Variants in RANGAP1 observed in about 807,000 individuals in gnomAD.
The protein encoded by RANGAP1 is Ran GTPase activating protein 1.
In RANGAP1, 38 loss-of-function variants were observed where a neutral mutation model predicts 63.5. The ratio of observed to expected loss-of-function variants is 0.60; its 90% confidence interval spans 0.46 to 0.78. The LOEUF (loss-of-function observed/expected upper bound fraction) is 0.78, where lower values mean the gene tolerates loss of function less well. Ranked by LOEUF, RANGAP1 falls within the 30% of genes least tolerant of loss-of-function variation. The probability of loss-of-function intolerance (pLI) is 0.00; values close to 1 mark genes in which losing one functional copy is unlikely to be tolerated. For missense variants in RANGAP1, 630 were observed against 740.3 expected (o/e 0.85, Z 1.73); for synonymous variants, 329 against 310.5 (o/e 1.06, Z -0.63).
intron 1 of RANGAP1, 147 bp from the exon 2 acceptor site, chr22:41,281,229 C>T (rs1662673622): frequency 2.1e-5 from 21 of 992,424 alleles, no homozygotes; most frequent in Non-Finnish European, 2.8e-5. Context: ...GAAAGGAAAA[C>T]AGCATCAGAG....
At chr22:41,280,818 C>A in intron 2 of RANGAP1, 115 bp downstream of exon 2, 1 of 1,543,756 alleles carries the variant, frequency 6.5e-7, no homozygotes. Context: ...CCTCACAGAG[C>A]TGCTGGGACA....
chr22:41,258,255 A>T, intron 6 of RANGAP1, 149 bp from the exon 7 acceptor site: 1 of 842,522 alleles, frequency 1.2e-6, no homozygotes, highest in Non-Finnish European at 1.7e-6. Context: ...GCATGGCTGC[A>T]TCTAACTCTT....
intron 2 of RANGAP1, chr22:41,280,719 G>A: frequency 6.7e-7 from 1 of 1,501,498 alleles, no homozygotes; most frequent in South Asian, 1.2e-5. Flanking sequence ...GGCACAAAGG[G>A]ATGCCCAATA....
intron 4 of RANGAP1, among the ~76,000 whole-genome samples, chr22:41,267,523 T>C (rs1355963337): frequency 6.6e-6 from 1 of 152,106 alleles, no homozygotes; most frequent in Non-Finnish European, 1.5e-5. Context: ...CAGGCATGCC[T>C]TTCTGTGTTC....
At chr22:41,277,368 G>A (rs963295714) in intron 2 of RANGAP1, 7 of 868,712 alleles carry the variant, frequency 8.1e-6, no homozygotes, top group African/African-American at 5.3e-5. Context: ...GTGAGCCACC[G>A]CGCCCGGCCG....
intron 3 of RANGAP1, among the ~76,000 whole-genome samples, chr22:41,272,393 T>C (rs1317150990): frequency 1.3e-5 from 2 of 152,180 alleles, no homozygotes; most frequent in Non-Finnish European, 2.9e-5. Flanking sequence ...GTAAACTAGT[T>C]TGCAGGCCCT....
Position 41,268,167 on chromosome 22 carries a change from AAGAAG to A in RANGAP1, c.241-16_241-12del, listed in dbSNP as rs2034594575. The A allele has an allele frequency of 2.6e-6, 4 of 1,543,228 alleles. No individual in the cohort carries two copies. Among genetic ancestry groups the A allele is most frequent in the Non-Finnish European group, 3.5e-6 (4 of 1,138,756 alleles). ...ACTCCAGTGGCAGCGCTGCAACGGAAAGAAGAGAAGAGTTAGCGGGAGAGAGACCC... is the reference window on the plus strand; with the variant it reads ...ACTCCAGTGGCAGCGCTGCAACGGAAAGAAGAGTTAGCGGGAGAGAGACCC... On this transcript the variant is annotated splice_polypyrimidine_tract_variant and intron_variant, in intron 3 of 15. Coordinates refer to ENST00000356244, the MANE Select transcript of RANGAP1 (RefSeq NM_002883.4).
At chr22:41,275,766 G>A (rs1389514904) in intron 2 of RANGAP1, among the ~76,000 whole-genome samples, 1 of 149,964 alleles carries the variant, frequency 6.7e-6, no homozygotes, top group Non-Finnish European at 1.5e-5. Context: ...GCGACACAGT[G>A]AGACTCTGTC....
At chr22:41,287,704 A>G (rs1388715420), upstream of RANGAP1, among the ~76,000 whole-genome samples, 1 of 151,374 alleles carries the variant, frequency 6.6e-6, no homozygotes, top group Non-Finnish European at 1.5e-5. Context: ...CAGATCATGC[A>G]GGCTGGGCGC....
At chr22:41,282,295 A>G (rs980905201) in intron 1 of RANGAP1, 2 of 152,142 alleles carry the variant, frequency 1.3e-5, no homozygotes, top group Non-Finnish European at 2.9e-5. Flanking sequence ...GGGAGGCTCT[A>G]TCTCTAAAAG....
chr22:41,282,173 C>T (rs2035528725), intron 1 of RANGAP1: 1 of 152,224 alleles, frequency 6.6e-6, no homozygotes, highest in Admixed American at 6.6e-5. Flanking sequence ...TGGCACGTGC[C>T]TGTAGTCAGT....
rs1390762583 is a variant in RANGAP1, at chr22:41,245,016, G to A, written c.*1587C>T. Among the ~76,000 whole-genome samples, 1 of 152,022 alleles carries A rather than the reference G, an allele frequency of 6.6e-6. No homozygotes were observed. Among genetic ancestry groups the A allele is most frequent in the Non-Finnish European group, 1.5e-5 (1 of 68,002 alleles). On this transcript the variant is annotated 3_prime_UTR_variant, in exon 16 of 16. Coordinates refer to ENST00000356244, the MANE Select transcript of RANGAP1 (RefSeq NM_002883.4). ...AATCATATTTGTCCTTTTGTGTCTG[G>A]CTTATTTCATTTAACATGTTTTCAA...
intron 12 of RANGAP1, among the ~76,000 whole-genome samples, chr22:41,252,221 G>C (rs1384173805): frequency 3.3e-5 from 5 of 152,076 alleles, no homozygotes; most frequent in Non-Finnish European, 7.4e-5. Flanking sequence ...AGAATTGCTT[G>C]AACCCAGGAG....
At chr22:41,256,584 G>A in intron 8 of RANGAP1, 127 bp downstream of exon 8, 1 of 787,876 alleles carries the variant, frequency 1.3e-6, no homozygotes, top group Non-Finnish European at 2.0e-6. Context: ...CAGCATCACA[G>A]GGCCCGAAGT....
At chr22:41,264,943 C>T (rs939212261) in intron 4 of RANGAP1, 100 bp from the exon 5 acceptor site, 15 of 1,259,946 alleles carry the variant, frequency 1.2e-5, no homozygotes, top group Non-Finnish European at 7.8e-6. Flanking sequence ...AAGGACACCC[C>T]GGCTGGTGCA....
At chr22:41,279,065 C>G (rs1237485394) in intron 2 of RANGAP1, among the ~76,000 whole-genome samples, 1 of 152,234 alleles carries the variant, frequency 6.6e-6, no homozygotes, top group Admixed American at 6.5e-5. Flanking sequence ...ATGACATGAA[C>G]CCAGGAGGCG....
upstream of RANGAP1, among the ~76,000 whole-genome samples, chr22:41,290,147 G>GAA (rs549026640): frequency 8.7e-6 from 1 of 115,458 alleles, no homozygotes; most frequent in African/African-American, 3.3e-5. Flanking sequence ...CTGTCTCAAA[G>GAA]AAAAAAAAAA....
intron 2 of RANGAP1, among the ~76,000 whole-genome samples, chr22:41,278,896 T>C (rs1555946122): frequency 6.6e-6 from 1 of 152,076 alleles, no homozygotes; most frequent in Non-Finnish European, 1.5e-5. Flanking sequence ...CCCAACACTT[T>C]GGGAGGCCGA....
At chr22:41,293,143 G>A in the RANGAP1 span, among the ~76,000 whole-genome samples, 3 of 151,698 alleles carry the variant, frequency 2.0e-5, no homozygotes, top group South Asian at 2.1e-4. Context: ...GCTGAGGCAG[G>A]AGAATGGCGT....
Sources: gnomAD v4.1 joint callset for allele counts (sites outside exome capture counted in the v4.1 genomes callset) on GRCh38, gnomAD v4.1.1 for gene constraint, MANE v1.5 for transcripts, NCBI Gene and HGNC (gene_info 2026-07-23, HGNC 2026-07-21) for gene names.